Variants in KIF11 observed in about 807,000 individuals in gnomAD.
The protein encoded by KIF11 is kinesin-like protein KIF11.
Under a neutral mutation model 121.0 loss-of-function variants are expected in KIF11, and 9 were observed. The observed-to-expected ratio is 0.07, with a 90% CI of 0.04 to 0.13. The LOEUF is 0.13. Ranked by LOEUF, KIF11 falls within the 10% of genes least tolerant of loss-of-function variation. The probability of loss-of-function intolerance (pLI) is 1.00; values close to 1 mark genes in which losing one functional copy is unlikely to be tolerated. For synonymous variants in KIF11, 408 were observed against 421.0 expected (o/e 0.97, Z 0.38); for missense variants, 846 against 1,217.5 (o/e 0.69, Z 4.54).
chr10:92,637,189 A>G lies in KIF11; in HGVS notation c.1881A>G (p.Val627=). The change falls in exon 15 of 22, where the codon GTA becomes GTG. Residue 627 remains valine, a synonymous_variant. Coordinates refer to ENST00000260731, the MANE Select transcript of KIF11 (RefSeq NM_004523.4). ...TTGTTTATTTCTGAAACCAGAATGTACTCAAGACTGATCTTCTAAGTTCAC... is the reference window on the plus strand; with the variant it reads ...TTGTTTATTTCTGAAACCAGAATGTGCTCAAGACTGATCTTCTAAGTTCAC... ...SKTVLQELIN[V]LKTDLLSSLE... 1 of 1,586,886 alleles carries G rather than the reference A, an allele frequency of 6.3e-7. No individual in the cohort carries two copies. Among genetic ancestry groups the G allele is most frequent in the Non-Finnish European group, 8.5e-7 (1 of 1,172,914 alleles).
intron 1 of KIF11, among the ~76,000 whole-genome samples, chr10:92,597,715 G>A (rs897624966): frequency 6.6e-6 from 1 of 151,838 alleles, no homozygotes; most frequent in African/African-American, 2.4e-5. Flanking sequence ...GCATTGGTAC[G>A]ATCTTGGCTT....
chr10:92,600,124 C>T (rs11498685), intron 1 of KIF11, among the ~76,000 whole-genome samples: 2,130 of 151,788 alleles, frequency 0.014, 44 homozygotes, highest in African/African-American at 0.046. Flanking sequence ...TGTGCCTCAG[C>T]CTCCGGAGTA....
intron 18 of KIF11, 78 bp from the exon 19 acceptor site, chr10:92,648,134 G>A: frequency 3.0e-6 from 3 of 986,598 alleles, no homozygotes; most frequent in Non-Finnish European, 2.9e-6. Context: ...TATGGAAAAG[G>A]TAAGGGAAAA....
chr10:92,620,069 G>A (rs1844600969), intron 9 of KIF11, among the ~76,000 whole-genome samples: 1 of 148,214 alleles, frequency 6.7e-6, no homozygotes, highest in African/African-American at 2.5e-5. Flanking sequence ...GTAATGTCTG[G>A]TTCTTTGTCT....
intron 13 of KIF11, 144 bp from the exon 14 acceptor site, chr10:92,633,479 C>T (rs1294919611): frequency 9.9e-6 from 6 of 608,022 alleles, no homozygotes; most frequent in African/African-American, 3.8e-5. Flanking sequence ...TATTTCCTTG[C>T]TTTGTAGTGA....
At chr10:92,612,667 T>C (rs1190957659) in intron 6 of KIF11, among the ~76,000 whole-genome samples, 1 of 152,182 alleles carries the variant, frequency 6.6e-6, no homozygotes, top group Non-Finnish European at 1.5e-5. Flanking sequence ...CTGGTACCAT[T>C]TGAATTTATG....
rs1311755375 is a variant in KIF11, at chr10:92,649,897, G to A, written c.2833G>A (p.Glu945Lys). 2 of 1,613,236 alleles carry A rather than the reference G, an allele frequency of 1.2e-6. No homozygotes were observed. The highest frequency in any genetic ancestry group is 2.7e-5 in the African/African-American group (2 of 74,890). Residue 945 changes from glutamate (E) to lysine (K), a missense_variant, in exon 20 of 22, where the codon GAA becomes AAA. Physicochemically the swap from Glu to Lys is moderately conservative, Grantham distance 56. Transcript: ENST00000260731. ...PSTLVRTEPR[E>K]HLLDQLKRKQ... ...AACACTGGTAAGAACTGAACCACGTGAACATCTCCTTGATCAGCTGAAAAG... is the reference window on the plus strand; with the variant it reads ...AACACTGGTAAGAACTGAACCACGTAAACATCTCCTTGATCAGCTGAAAAG...
rs1006259169 is a variant in KIF11 at position 92,654,215 on chromosome 10, T to C, written c.*419T>C. The C allele has an allele frequency of 2.0e-5, 3 of 152,696 alleles. No homozygotes were observed. The highest frequency in any genetic ancestry group is 7.2e-5 in the African/African-American group (3 of 41,446). The allele number at this position is 152,696 out of a possible 1,614,324, so 9.5% of individuals were successfully genotyped here. A position where few individuals can be genotyped will look rare whatever the true frequency, so the allele number is the denominator to read the frequency against. On this transcript the variant is annotated 3_prime_UTR_variant, in exon 22 of 22. Transcript: ENST00000260731. The stretch of plus-strand genomic sequence containing the variant: ...AAAAGATATAAGGCAGTACTGTAAA[T>C]TCAGTTGAATTTTGATATCTACCCA...
intron 1 of KIF11, among the ~76,000 whole-genome samples, chr10:92,596,273 G>T (rs1844295420): frequency 6.6e-6 from 1 of 152,228 alleles, no homozygotes; most frequent in South Asian, 2.1e-4. Flanking sequence ...TAAGAGCCGG[G>T]ATTACAGGCG....
intron 1 of KIF11, chr10:92,596,766 CA>C (rs1202864423): frequency 1.3e-5 from 2 of 152,544 alleles, no homozygotes; most frequent in Non-Finnish European, 2.9e-5. Context: ...TGGATATTTT[CA>C]GATACATAAA....
chr10:92,593,849 G>A (rs1844261232), intron 1 of KIF11, among the ~76,000 whole-genome samples: 1 of 152,284 alleles, frequency 6.6e-6, no homozygotes, highest in East Asian at 1.9e-4. Context: ...TATTCTAGAT[G>A]CAATATTTTC....
chr10:92,633,616 G>C lies in KIF11; in HGVS notation c.1703-7G>C. 6 of 1,588,424 alleles carry C rather than the reference G, an allele frequency of 3.8e-6. No homozygotes were observed. The highest frequency in any genetic ancestry group is 5.2e-6 in the Non-Finnish European group (6 of 1,162,886). Reference sequence around the variant, plus strand: ...AGTTTACATCTTTCTGTTTTTGTTTGTTATAGGTAATCTGCTGTCTTCCAG... The same window carrying C: ...AGTTTACATCTTTCTGTTTTTGTTTCTTATAGGTAATCTGCTGTCTTCCAG... On this transcript the variant is annotated splice_polypyrimidine_tract_variant and splice_region_variant and intron_variant, in intron 13 of 21. Transcript: ENST00000260731.
intron 1 of KIF11, among the ~76,000 whole-genome samples, chr10:92,594,044 G>A (rs1844263963): frequency 6.6e-6 from 1 of 152,160 alleles, no homozygotes; most frequent in South Asian, 2.1e-4. Flanking sequence ...GAGATAAAGG[G>A]ATGTGGAGGG....
chr10:92,602,807 A>AACACAC (rs112100552), intron 1 of KIF11, among the ~76,000 whole-genome samples: 2 of 137,902 alleles, frequency 1.5e-5, no homozygotes, highest in Non-Finnish European at 3.1e-5. Flanking sequence ...TGGTTACTTA[A>AACACAC]ACACACACAC....
chr10:92,654,350 A>C lies in KIF11; in HGVS notation c.*554A>C. The C allele has an allele frequency of 1.3e-5, 2 of 152,288 alleles. 1 individual carries two copies. Among genetic ancestry groups the C allele is most frequent in the Non-Finnish European group, 2.9e-5 (2 of 68,100 alleles). The allele number at this position is 152,288 out of a possible 1,614,324, so 9.4% of individuals were successfully genotyped here. ...ATATAAAGTAGTTCTTTTATAACAAATGAAAAGTATTTTTCTTGTATATTA... is the reference window on the plus strand; with the variant it reads ...ATATAAAGTAGTTCTTTTATAACAACTGAAAAGTATTTTTCTTGTATATTA... On this transcript the variant is annotated 3_prime_UTR_variant, in exon 22 of 22. Transcript: ENST00000260731.
chr10:92,629,648 T>TC (rs11417254), intron 11 of KIF11, among the ~76,000 whole-genome samples: 22,671 of 152,090 alleles, frequency 0.15, 3,591 homozygotes, highest in African/African-American at 0.4. Context: ...AGGGTCTTGC[T>TC]TGATGCCCAG....
intron 20 of KIF11, 89 bp downstream of exon 20, chr10:92,650,075 C>T: frequency 1.0e-6 from 1 of 977,750 alleles, no homozygotes; most frequent in Non-Finnish European, 1.5e-6. Flanking sequence ...ACTGTTTACC[C>T]CTCAATCTTA....
At chr10:92,637,963 T>TA (rs1424391665) in intron 16 of KIF11, among the ~76,000 whole-genome samples, 6 of 152,214 alleles carry the variant, frequency 3.9e-5, no homozygotes, top group Non-Finnish European at 4.4e-5. Flanking sequence ...GTCTCACTGA[T>TA]AGACATTTAA....
chr10:92,646,542 G>C (rs1420579903), intron 18 of KIF11, among the ~76,000 whole-genome samples: 2 of 152,086 alleles, frequency 1.3e-5, no homozygotes, highest in African/African-American at 4.8e-5. Flanking sequence ...ATTTGTGATA[G>C]GAAATGTATA....
Sources: allele counts gnomAD v4.1 joint callset (sites outside exome capture counted in the v4.1 genomes callset), GRCh38; gene constraint gnomAD v4.1.1; transcripts MANE v1.5; gene names NCBI Gene and HGNC (gene_info 2026-07-23, HGNC 2026-07-21).